NF1: variants seen among roughly 807,000 people sequenced by gnomAD.
NF1 encodes neurofibromin 1.
NF1 carries 122 observed loss-of-function variants against 325.7 expected under a neutral mutation model. The ratio of observed to expected loss-of-function variants is 0.37; its 90% confidence interval spans 0.32 to 0.44. The LOEUF (loss-of-function observed/expected upper bound fraction) is 0.44, where lower values mean the gene tolerates loss of function less well. NF1 is among the 20% of genes least tolerant of loss of function. The pLI is 1.00. For missense variants in NF1, 2,140 were observed against 3,415.4 expected (o/e 0.63, Z 9.31); for synonymous variants, 1,091 against 1,186.0 (o/e 0.92, Z 1.65).
At chr17:31,372,131 A>G (rs1353685967) in intron 57 of NF1, among the ~76,000 whole-genome samples, 5 of 152,228 alleles carry the variant, frequency 3.3e-5, no homozygotes, top group African/African-American at 1.2e-4. Context: ...TAAAATTTCA[A>G]TATATAAAGA....
rs1176252325 is a variant in NF1 at position 31,148,485 on chromosome 17, C to CAA, written c.61-7497_61-7496dup. 1.1e-4 allele frequency among the ~76,000 whole-genome samples: 16 copies of CAA among 150,398 alleles called. No homozygotes were observed. Among genetic ancestry groups the CAA allele is most frequent in the Admixed American group, 8.7e-4 (13 of 14,936 alleles). ...ACTGGGAAATGGTCGTTCAAGATTA[C>CAA]AACTGAGTGAGGATTACTATGGGAT... On this transcript the variant is annotated intron_variant, in intron 1 of 57. Coordinates refer to ENST00000358273, the MANE Select transcript of NF1 (RefSeq NM_001042492.3).
At chr17:31,365,747 A>C (rs1051016703) in intron 57 of NF1, among the ~76,000 whole-genome samples, 1 of 152,204 alleles carries the variant, frequency 6.6e-6, no homozygotes, top group Non-Finnish European at 1.5e-5. Flanking sequence ...TAGAATGTAC[A>C]TAGATAACTA....
intron 36 of NF1, among the ~76,000 whole-genome samples, chr17:31,306,633 A>G (rs752503195): frequency 1.3e-5 from 2 of 152,058 alleles, no homozygotes; most frequent in Non-Finnish European, 2.9e-5. Flanking sequence ...CATATTTTTA[A>G]AGAATTTCAT....
intron 27 of NF1, among the ~76,000 whole-genome samples, chr17:31,233,449 C>T (rs1164308837): frequency 6.6e-6 from 1 of 152,180 alleles, no homozygotes; most frequent in African/African-American, 2.4e-5. Context: ...TTAAAAATCA[C>T]TGATCTACTC....
At chr17:31,145,601 T>C (rs1916530244) in intron 1 of NF1, among the ~76,000 whole-genome samples, 1 of 152,172 alleles carries the variant, frequency 6.6e-6, no homozygotes, top group African/African-American at 2.4e-5. Context: ...TTAGAACTCC[T>C]TAATCTTGAT....
At chr17:31,099,626 C>T (rs575961149) in intron 1 of NF1, among the ~76,000 whole-genome samples, 14 of 146,946 alleles carry the variant, frequency 9.5e-5, no homozygotes, top group Non-Finnish European at 1.9e-4. Flanking sequence ...ATGGGGAGAT[C>T]TCAGCATACT....
At chr17:31,341,233 T>C (rs955105407) in intron 47 of NF1, among the ~76,000 whole-genome samples, 2 of 152,106 alleles carry the variant, frequency 1.3e-5, no homozygotes, top group African/African-American at 4.8e-5. Context: ...CTTTAAAATA[T>C]ACCATTAGTG....
At chr17:31,162,215 G>A (rs1466322382) in intron 3 of NF1, among the ~76,000 whole-genome samples, 11 of 150,598 alleles carry the variant, frequency 7.3e-5, no homozygotes, top group African/African-American at 2.7e-4. Context: ...AGTGGCTCAC[G>A]CCTGTAATCC....
chr17:31,349,495 G>A (rs2151573491), intron 49 of NF1, among the ~76,000 whole-genome samples: 1 of 152,230 alleles, frequency 6.6e-6, no homozygotes, highest in South Asian at 2.1e-4. Flanking sequence ...AGACACTACA[G>A]TGGCTCTCTG....
At chr17:31,299,154 T>C (rs1315245387) in intron 36 of NF1, among the ~76,000 whole-genome samples, 1 of 152,068 alleles carries the variant, frequency 6.6e-6, no homozygotes, top group Non-Finnish European at 1.5e-5. Context: ...AAAAGGGAGA[T>C]CATTTCAATA....
intron 12 of NF1, among the ~76,000 whole-genome samples, chr17:31,212,013 A>C (rs1035612110): frequency 6.6e-6 from 1 of 152,168 alleles, no homozygotes; most frequent in Non-Finnish European, 1.5e-5. Context: ...AGTAGCTTTT[A>C]AAATATAAAC....
rs111771211 is a variant in NF1 at position 31,218,818 on chromosome 17, C to T, written c.1528-187C>T. 8.5e-3 allele frequency among the ~76,000 whole-genome samples: 1,288 copies of T among 152,204 alleles called. 25 individuals carry two copies. The highest frequency in any genetic ancestry group is 0.03 in the African/African-American group (1,225 of 41,514). Reference sequence around the variant, plus strand: ...AACTCCTGACTTCAGGTGATCCACCCGCCACTACCTCCCAAAGTCCTGGGC... The same window carrying T: ...AACTCCTGACTTCAGGTGATCCACCTGCCACTACCTCCCAAAGTCCTGGGC... On this transcript the variant is annotated intron_variant, in intron 13 of 57. Transcript: ENST00000358273.
intron 36 of NF1, among the ~76,000 whole-genome samples, chr17:31,281,282 A>G (rs1317189281): frequency 6.6e-6 from 1 of 152,198 alleles, no homozygotes; most frequent in African/African-American, 2.4e-5. Flanking sequence ...GGAAGTGTTT[A>G]TGACACATTG....
At chr17:31,187,831 C>T (rs952320429) in intron 8 of NF1, among the ~76,000 whole-genome samples, 10 of 152,094 alleles carry the variant, frequency 6.6e-5, no homozygotes, top group African/African-American at 1.7e-4. Flanking sequence ...GACACAACAA[C>T]GATTCCATTA....
chr17:31,345,877 A>AAGAT lies in NF1; in HGVS notation c.7189+2743_7189+2746dup, dbSNP rs1237139235. On this transcript the variant is annotated intron_variant, in intron 48 of 57. Transcript: ENST00000358273. ...TTGAATATTCCATTTGAAACACTTA[A>AAGAT]AGATCGTCTCAGCCGCCGTTGGATT... The AAGAT allele has an allele frequency of 1.9e-6, 3 of 1,597,042 alleles. No individual in the cohort carries two copies. The African/African-American group carries it at 4.0e-5, about 21-fold the overall frequency.
At chr17:31,136,378 C>T (rs898778149) in intron 1 of NF1, 1 of 151,846 alleles carries the variant, frequency 6.6e-6, no homozygotes, top group Non-Finnish European at 1.5e-5. Context: ...TCTCCCCGCT[C>T]CCCCCACAAC....
chr17:31,199,981 C>T (rs559599602), intron 8 of NF1, among the ~76,000 whole-genome samples: 1 of 151,812 alleles, frequency 6.6e-6, no homozygotes, highest in South Asian at 2.1e-4. Context: ...ACTAAAAATA[C>T]AAAAATTAGC....
chr17:31,300,015 A>G (rs1225473142), intron 36 of NF1, among the ~76,000 whole-genome samples: 1 of 152,094 alleles, frequency 6.6e-6, no homozygotes, highest in East Asian at 1.9e-4. Context: ...ATTGATTGCT[A>G]CAATTAGATT....
intron 37 of NF1, among the ~76,000 whole-genome samples, 195 bp from the exon 38 acceptor site, chr17:31,327,304 A>T (rs1379140314): frequency 6.6e-6 from 1 of 152,184 alleles, no homozygotes; most frequent in Non-Finnish European, 1.5e-5. Context: ...AAATTAAAAA[A>T]TTTTTAAATG....
Sources: gnomAD v4.1 joint callset for allele counts (sites outside exome capture counted in the v4.1 genomes callset) on GRCh38, gnomAD v4.1.1 for gene constraint, MANE v1.5 for transcripts, NCBI Gene and HGNC (gene_info 2026-07-23, HGNC 2026-07-21) for gene names.